Variants in CAP2 observed in about 807,000 individuals in gnomAD.
The protein encoded by CAP2 is adenylyl cyclase-associated protein 2.
Under a neutral mutation model 57.7 loss-of-function variants are expected in CAP2, and 24 were observed. That is an observed-to-expected ratio of 0.42 (90% CI 0.30 to 0.58). The LOEUF (loss-of-function observed/expected upper bound fraction) is 0.58, where lower values mean the gene tolerates loss of function less well. Among genes scored for constraint, CAP2 ranks in the 20% least tolerant of loss-of-function variants. The pLI is 0.22. For synonymous variants in CAP2, 194 were observed against 207.2 expected (o/e 0.94, Z 0.55); for missense variants, 501 against 590.3 (o/e 0.85, Z 1.57).
intron 3 of CAP2, among the ~76,000 whole-genome samples, chr6:17,461,647 T>C (rs1760722008): frequency 6.6e-6 from 1 of 152,082 alleles, no homozygotes; most frequent in South Asian, 2.1e-4. Context: ...TGGTTAATCC[T>C]GGGTGATCTG....
At chr6:17,535,633 G>C (rs1038462268) in intron 7 of CAP2, among the ~76,000 whole-genome samples, 1 of 151,150 alleles carries the variant, frequency 6.6e-6, no homozygotes, top group Non-Finnish European at 1.5e-5. Flanking sequence ...GAAGGCTTTA[G>C]AATCAAGGAG....
At chr6:17,491,302 T>G (rs1283429053) in intron 4 of CAP2, among the ~76,000 whole-genome samples, 1 of 152,196 alleles carries the variant, frequency 6.6e-6, no homozygotes, top group Non-Finnish European at 1.5e-5. Flanking sequence ...CTAAAGGGCC[T>G]GCATTGTAAG....
chr6:17,550,888 A>C (rs1308986099), intron 11 of CAP2, among the ~76,000 whole-genome samples: 1 of 152,176 alleles, frequency 6.6e-6, no homozygotes, highest in Admixed American at 6.6e-5. Flanking sequence ...CTAGACATTC[A>C]TCTCATGTAA....
intron 11 of CAP2, among the ~76,000 whole-genome samples, chr6:17,550,112 T>G (rs762374129): frequency 1.3e-5 from 2 of 152,118 alleles, no homozygotes; most frequent in African/African-American, 2.4e-5. Flanking sequence ...CTCACACCTG[T>G]AATCCCAGCA....
intron 6 of CAP2, among the ~76,000 whole-genome samples, chr6:17,512,543 A>G (rs967813113): frequency 2.6e-5 from 4 of 152,232 alleles, no homozygotes; most frequent in Non-Finnish European, 4.4e-5. Flanking sequence ...TCATGCTCTA[A>G]TAATAGCTAT....
chr6:17,411,330 A>G (rs990747866), intron 1 of CAP2, among the ~76,000 whole-genome samples: 1 of 152,258 alleles, frequency 6.6e-6, no homozygotes, highest in Non-Finnish European at 1.5e-5. Flanking sequence ...TGACTGGTTC[A>G]TATGGCAAAT....
At chr6:17,536,189 A>G (rs1467412142) in intron 7 of CAP2, 6 of 456,566 alleles carry the variant, frequency 1.3e-5, no homozygotes, top group South Asian at 6.2e-5. Flanking sequence ...GTGGCCAGAC[A>G]TAAGAGAATA....
intron 3 of CAP2, among the ~76,000 whole-genome samples, chr6:17,460,981 C>T (rs1760704501): frequency 6.6e-6 from 1 of 152,080 alleles, no homozygotes; most frequent in African/African-American, 2.4e-5. Context: ...GAACTTACCT[C>T]TACTAAAAAA....
intron 4 of CAP2, among the ~76,000 whole-genome samples, chr6:17,474,290 T>C (rs917305545): frequency 6.6e-6 from 1 of 151,004 alleles, no homozygotes; most frequent in African/African-American, 2.4e-5. Context: ...AATGTCCTTC[T>C]TGTTTGATAT....
rs200559179 is a variant in CAP2 at position 17,507,269 on chromosome 6, C to T, written c.401C>T (p.Ser134Leu). 4.3e-5 allele frequency: 69 copies of T among 1,614,172 alleles called. No homozygotes were observed. The highest frequency in any genetic ancestry group is 6.7e-5 in the African/African-American group (5 of 75,046). Residue 134 changes from serine (S) to leucine (L), a missense_variant, in exon 5 of 13, where the codon TCG becomes TTG. Ser to Leu is a moderately radical substitution (Grantham distance 145). Transcript: ENST00000229922. ...GGGAGTAACATGTTTAATCATCTTT[C>T]GGCCGTCAGCGAAAGCATCCCTGCC... ...NRGSNMFNHLSAVSESIPALG... is the reference protein window; with the variant it reads ...NRGSNMFNHLLAVSESIPALG...
At chr6:17,514,146 T>A (rs567565071) in intron 7 of CAP2, among the ~76,000 whole-genome samples, 192 bp downstream of exon 7, 2 of 150,274 alleles carry the variant, frequency 1.3e-5, no homozygotes, top group Non-Finnish European at 3.0e-5. Context: ...GGCAGATCAT[T>A]GAGGTCAGGA....
chr6:17,515,211 T>C lies in CAP2; in HGVS notation c.636+1257T>C, dbSNP rs577556989. 3.4e-5 allele frequency among the ~76,000 whole-genome samples: 5 copies of C among 146,376 alleles called. 2 individuals are homozygous for C. Among genetic ancestry groups the C allele is most frequent in the African/African-American group, 1.0e-4 (4 of 39,984 alleles). On this transcript the variant is annotated intron_variant, in intron 7 of 12. Transcript: ENST00000229922. ...GACTCTGTCTCAAAAAAAAAAAAAA[T>C]GTGTGATAGAAATTGAAGGGAACAA...
At chr6:17,548,265 G>T (rs891200303) in intron 11 of CAP2, among the ~76,000 whole-genome samples, 2 of 151,900 alleles carry the variant, frequency 1.3e-5, no homozygotes, top group African/African-American at 4.8e-5. Context: ...TACTCAGGAG[G>T]CTGAGGCCGG....
intron 3 of CAP2, among the ~76,000 whole-genome samples, chr6:17,442,750 CT>C (rs1254575999): frequency 6.6e-6 from 1 of 150,632 alleles, no homozygotes; most frequent in African/African-American, 2.4e-5. Flanking sequence ...CAGAATATCA[CT>C]CTTTCACCCA....
chr6:17,544,232 A>G (rs748164840), intron 11 of CAP2, among the ~76,000 whole-genome samples: 3 of 152,172 alleles, frequency 2.0e-5, no homozygotes, highest in Non-Finnish European at 4.4e-5. Flanking sequence ...TTTGATGGGT[A>G]TATGATTTGA....
At chr6:17,405,946 G>T (rs1758953080) in intron 1 of CAP2, among the ~76,000 whole-genome samples, 1 of 152,034 alleles carries the variant, frequency 6.6e-6, no homozygotes, top group African/African-American at 2.4e-5. Flanking sequence ...TACCTATGTT[G>T]CCCAGGCTGG....
At position 17,426,573 on chromosome 6, in the gene CAP2, CT is replaced by C; in HGVS notation, c.122-16del. The C allele has an allele frequency of 6.3e-7, 1 of 1,589,676 alleles. No individual in the cohort carries two copies. The highest frequency in any genetic ancestry group is 8.6e-7 in the Non-Finnish European group (1 of 1,157,936). On this transcript the variant is annotated splice_polypyrimidine_tract_variant and intron_variant, in intron 2 of 12. Transcript: ENST00000229922. ...CATTCAACGGCCAGGGAATAACAAA[CT>C]GCTCCTTTCCCCAAGGTGTGGCACC...
intron 3 of CAP2, among the ~76,000 whole-genome samples, chr6:17,445,287 A>C (rs928584749): frequency 2.0e-5 from 3 of 152,176 alleles, no homozygotes; most frequent in Non-Finnish European, 2.9e-5. Context: ...TTGTATTTTT[A>C]GTAGAGAGGG....
intron 4 of CAP2, among the ~76,000 whole-genome samples, chr6:17,482,461 A>G (rs545410540): frequency 1.2e-4 from 17 of 146,356 alleles, no homozygotes; most frequent in Non-Finnish European, 2.5e-4. Context: ...GTAAGCCGAG[A>G]TCGCGCCACT....
Sources: allele counts gnomAD v4.1 joint callset (sites outside exome capture counted in the v4.1 genomes callset), GRCh38; gene constraint gnomAD v4.1.1; transcripts MANE v1.5; gene names NCBI Gene and HGNC (gene_info 2026-07-23, HGNC 2026-07-21).